UAP1: variants seen among roughly 807,000 people sequenced by gnomAD.
UAP1 encodes the protein UDP-N-acetylhexosamine pyrophosphorylase.
A neutral mutation model predicts 58.5 loss-of-function variants in UAP1; 25 were observed. The observed-to-expected ratio is 0.43, with a 90% CI of 0.31 to 0.60. The LOEUF (loss-of-function observed/expected upper bound fraction) is 0.60. Ranked by LOEUF, UAP1 falls within the 20% of genes least tolerant of loss-of-function variation. The probability of loss-of-function intolerance (pLI) is 0.11; values close to 1 mark genes in which losing one functional copy is unlikely to be tolerated. For synonymous variants in UAP1, 208 were observed against 213.0 expected (o/e 0.98, Z 0.21); for missense variants, 575 against 630.0 (o/e 0.91, Z 0.93).
chr1:162,576,847 C>T (rs138860141), exon 3 of UAP1: 26 of 1,613,978 alleles, frequency 1.6e-5, no homozygotes, highest in Admixed American at 8.3e-5. Flanking sequence ...CAAGACTCGG[C>T]GTTGCATATC....
intron 1 of UAP1, among the ~76,000 whole-genome samples, chr1:162,563,607 C>T (rs1305863769): frequency 1.3e-5 from 2 of 152,164 alleles, no homozygotes; most frequent in African/African-American, 4.8e-5. Context: ...TCATGATCCG[C>T]CCGCCTCGGC....
At chr1:162,563,710 G>A (rs1045412076) in intron 1 of UAP1, among the ~76,000 whole-genome samples, 11 of 152,188 alleles carry the variant, frequency 7.2e-5, no homozygotes, top group African/African-American at 2.7e-4. Flanking sequence ...AGTGTCTGAA[G>A]GTGGAGGAGT....
At chr1:162,569,904 C>CT (rs1218542301) in intron 2 of UAP1, among the ~76,000 whole-genome samples, 7 of 152,106 alleles carry the variant, frequency 4.6e-5, no homozygotes, top group Non-Finnish European at 8.8e-5. Context: ...AATCCCAGCA[C>CT]TTTGGGAGGC....
At chr1:162,577,674 C>T (rs1036270832) in intron 3 of UAP1, among the ~76,000 whole-genome samples, 3 of 151,556 alleles carry the variant, frequency 2.0e-5, no homozygotes, top group East Asian at 1.9e-4. Context: ...TGCAGTGGCG[C>T]GATTTCGGCC....
chr1:162,589,209 A>ATACAT (rs1655137373), intron 7 of UAP1, among the ~76,000 whole-genome samples: 1 of 111,928 alleles, frequency 8.9e-6, no homozygotes, highest in South Asian at 2.3e-4. Context: ...TTATATTTAA[A>ATACAT]TATATATAAT....
rs75174890 is a variant in UAP1, at chr1:162,585,973, G to A, written c.835-1502G>A. 4.7e-4 allele frequency among the ~76,000 whole-genome samples: 72 copies of A among 152,218 alleles called. 1 individual carries two copies. The East Asian group carries it at 0.012, about 25-fold the overall frequency. On this transcript the variant is annotated intron_variant, in intron 5 of 10. Coordinates refer to ENST00000271469, the Ensembl canonical transcript of UAP1. ...CCCCTTCAGTTTAATCTACTTCCTCGGTAGAAAGTTTCTTTTCATTAAGAA... is the reference window on the plus strand; with the variant it reads ...CCCCTTCAGTTTAATCTACTTCCTCAGTAGAAAGTTTCTTTTCATTAAGAA...
intron 7 of UAP1, among the ~76,000 whole-genome samples, chr1:162,589,261 A>T (rs1266672660): frequency 1.5e-5 from 2 of 129,202 alleles, no homozygotes; most frequent in African/African-American, 2.9e-5. Context: ...ATATAAATAT[A>T]TATTTATTTA....
At chr1:162,567,907 T>C (rs1447496639) in intron 2 of UAP1, among the ~76,000 whole-genome samples, 2 of 152,162 alleles carry the variant, frequency 1.3e-5, no homozygotes, top group African/African-American at 4.8e-5. Flanking sequence ...GCAATACTCC[T>C]GCCTCAGCTT....
intron 2 of UAP1, among the ~76,000 whole-genome samples, chr1:162,570,110 C>T (rs965829569): frequency 3.3e-5 from 5 of 149,490 alleles, no homozygotes; most frequent in African/African-American, 9.9e-5. Flanking sequence ...GATCGTGCCA[C>T]TGTACTCCAG....
exon 2 of UAP1, chr1:162,566,239 C>A: frequency 6.2e-7 from 1 of 1,614,156 alleles, no homozygotes; most frequent in Non-Finnish European, 8.5e-7. Context: ...AAGGTTTTAA[C>A]CAGTCTTCTC....
chr1:162,600,169 C>T (rs116826138), downstream of UAP1, among the ~76,000 whole-genome samples: 384 of 152,262 alleles, frequency 2.5e-3, 3 homozygotes, highest in African/African-American at 8.9e-3. Context: ...AGGATGGTCT[C>T]CTACGACAAA....
At chr1:162,589,320 ATATT>A (rs1331985493) in intron 7 of UAP1, among the ~76,000 whole-genome samples, 2 of 137,670 alleles carry the variant, frequency 1.5e-5, no homozygotes, top group East Asian at 2.0e-4. Context: ...AAATAAATAT[ATATT>A]TATTTATTAA....
chr1:162,588,567 C>T (rs1490288666), intron 6 of UAP1, 126 bp from the exon 7 acceptor site: 2 of 936,578 alleles, frequency 2.1e-6, no homozygotes, highest in African/African-American at 1.7e-5. Flanking sequence ...TGAACTGAAA[C>T]TTAAATGCTC....
chr1:162,585,218 A>C (rs988512874), intron 5 of UAP1, among the ~76,000 whole-genome samples: 3 of 151,946 alleles, frequency 2.0e-5, no homozygotes, highest in Non-Finnish European at 2.9e-5. Context: ...GATTAAACTT[A>C]TGAAATATTG....
At chr1:162,570,616 G>A (rs1054590806) in intron 2 of UAP1, among the ~76,000 whole-genome samples, 15 of 152,074 alleles carry the variant, frequency 9.9e-5, no homozygotes, top group Non-Finnish European at 1.8e-4. Flanking sequence ...TTCATCTAAT[G>A]TAATCTCTGC....
intron 3 of UAP1, among the ~76,000 whole-genome samples, chr1:162,578,913 AT>A (rs1654378085): frequency 6.6e-6 from 1 of 152,048 alleles, no homozygotes; most frequent in Non-Finnish European, 1.5e-5. Flanking sequence ...TTTAGAAATA[AT>A]TTTTTTCTTT....
chr1:162,579,539 C>G, exon 4 of UAP1: 1 of 1,610,046 alleles, frequency 6.2e-7, no homozygotes, highest in Non-Finnish European at 8.5e-7. Context: ...AAGGAATGCT[C>G]CCCGCCATGA....
chr1:162,590,096 G>T (rs371477706), intron 7 of UAP1, among the ~76,000 whole-genome samples: 7 of 147,248 alleles, frequency 4.8e-5, no homozygotes, highest in Non-Finnish European at 1.0e-4. Context: ...TAATCTTTCC[G>T]ACTTAAGATG....
intron 2 of UAP1, among the ~76,000 whole-genome samples, chr1:162,574,901 T>C (rs978450172): frequency 2.6e-5 from 4 of 152,174 alleles, no homozygotes; most frequent in African/African-American, 9.7e-5. Context: ...GTTTGAAGAA[T>C]AACATTTTTA....
Sources: allele counts gnomAD v4.1 joint callset (sites outside exome capture counted in the v4.1 genomes callset), GRCh38; gene constraint gnomAD v4.1.1; transcripts MANE v1.5; gene names NCBI Gene and HGNC (gene_info 2026-07-23, HGNC 2026-07-21).